GPC5: variants seen among roughly 807,000 people sequenced by gnomAD.
The protein encoded by GPC5 is glypican-5.
In GPC5, 47 loss-of-function variants were observed where a neutral mutation model predicts 53.9. The observed-to-expected ratio is 0.87, with a 90% CI of 0.69 to 1.11. The LOEUF is 1.11. Ranked by LOEUF, GPC5 falls within the 50% of genes most tolerant of loss-of-function variation. GPC5 has a pLI of 0.00. For synonymous variants in GPC5, 286 were observed against 263.3 expected, an observed-to-expected ratio of 1.09 and a Z score of -0.84; for missense variants, 748 against 713.1, an observed-to-expected ratio of 1.05 and a Z score of -0.56.
intron 5 of GPC5, among the ~76,000 whole-genome samples, chr13:91,781,835 A>C (rs994558867): frequency 6.6e-6 from 1 of 152,192 alleles, no homozygotes; most frequent in Non-Finnish European, 1.5e-5. Flanking sequence ...TAAACAATAA[A>C]CTTCCACTCT....
intron 7 of GPC5, among the ~76,000 whole-genome samples, chr13:92,649,621 T>G (rs778078208): frequency 8.6e-5 from 13 of 152,046 alleles, no homozygotes; most frequent in Non-Finnish European, 1.3e-4. Flanking sequence ...GAAACAAACT[T>G]TTTACTAGAG....
intron 4 of GPC5, among the ~76,000 whole-genome samples, chr13:91,748,966 C>A (rs2037110766): frequency 6.6e-6 from 1 of 151,936 alleles, no homozygotes; most frequent in South Asian, 2.1e-4. Flanking sequence ...GGGGGACTGT[C>A]ATGGAATGAG....
At chr13:92,218,569 T>C (rs1594007938) in intron 7 of GPC5, among the ~76,000 whole-genome samples, 2 of 152,210 alleles carry the variant, frequency 1.3e-5, no homozygotes, top group South Asian at 4.1e-4. Context: ...CTTTGTCCCC[T>C]CCCCCTGCTT....
chr13:92,277,158 G>T (rs2042881826), intron 7 of GPC5, among the ~76,000 whole-genome samples: 1 of 151,880 alleles, frequency 6.6e-6, no homozygotes, highest in South Asian at 2.1e-4. Context: ...CATTGAAATA[G>T]TTTCACAATT....
intron 7 of GPC5, among the ~76,000 whole-genome samples, chr13:92,864,470 A>T (rs1879280468): frequency 6.6e-6 from 1 of 152,126 alleles, no homozygotes; most frequent in African/African-American, 2.4e-5. Context: ...GCATAAGAAA[A>T]CCTTATTCAT....
At chr13:91,992,060 C>T (rs893129530) in intron 6 of GPC5, among the ~76,000 whole-genome samples, 2 of 151,996 alleles carry the variant, frequency 1.3e-5, no homozygotes, top group African/African-American at 4.8e-5. Flanking sequence ...TTTTTTGAGA[C>T]AGGGCCTTGT....
intron 2 of GPC5, among the ~76,000 whole-genome samples, chr13:91,612,737 A>G (rs2033591240): frequency 1.3e-5 from 2 of 152,180 alleles, no homozygotes; most frequent in African/African-American, 2.4e-5. Flanking sequence ...TATTAAGTTG[A>G]TCATAACTCA....
chr13:91,607,098 C>G (rs2033394233), intron 2 of GPC5, among the ~76,000 whole-genome samples: 1 of 152,022 alleles, frequency 6.6e-6, no homozygotes, highest in African/African-American at 2.4e-5. Context: ...GAGTCATTTA[C>G]TCTTTATTTT....
At chr13:92,684,462 G>A (rs1887198964) in intron 7 of GPC5, among the ~76,000 whole-genome samples, 1 of 151,872 alleles carries the variant, frequency 6.6e-6, no homozygotes, top group South Asian at 2.1e-4. Context: ...GTAGAGACAG[G>A]ATTTCACCAT....
intron 7 of GPC5, among the ~76,000 whole-genome samples, chr13:92,275,460 T>C (rs2042868729): frequency 6.6e-6 from 1 of 152,164 alleles, no homozygotes; most frequent in Admixed American, 6.6e-5. Flanking sequence ...CAGGACATAA[T>C]TTTGACTTTC....
At chr13:91,940,256 A>G (rs976517927) in intron 6 of GPC5, among the ~76,000 whole-genome samples, 2 of 152,088 alleles carry the variant, frequency 1.3e-5, no homozygotes, top group Admixed American at 6.6e-5. Context: ...TTGGTTTTCT[A>G]TTCCTGCATT....
chr13:91,899,819 T>C (rs1204347279), intron 5 of GPC5, among the ~76,000 whole-genome samples: 1 of 152,126 alleles, frequency 6.6e-6, no homozygotes, highest in East Asian at 1.9e-4. Flanking sequence ...GGATTCCTCC[T>C]GAGGGTCTTC....
intron 7 of GPC5, among the ~76,000 whole-genome samples, chr13:92,291,135 C>T (rs903804040): frequency 6.6e-5 from 10 of 152,154 alleles, no homozygotes; most frequent in African/African-American, 2.2e-4. Context: ...CCCACTGCTC[C>T]GTGGGCTCCT....
intron 7 of GPC5, among the ~76,000 whole-genome samples, chr13:92,501,048 A>C (rs1247430660): frequency 6.6e-6 from 1 of 152,084 alleles, no homozygotes; most frequent in Non-Finnish European, 1.5e-5. Flanking sequence ...AAAACATAAT[A>C]CTCAAAATGT....
At chr13:92,382,860 A>G (rs1269722889) in intron 7 of GPC5, among the ~76,000 whole-genome samples, 1 of 151,770 alleles carries the variant, frequency 6.6e-6, no homozygotes, top group Non-Finnish European at 1.5e-5. Context: ...AAAATTAGCC[A>G]GGCGCGGTGG....
intron 5 of GPC5, among the ~76,000 whole-genome samples, chr13:91,904,587 T>G (rs899845682): frequency 2.6e-5 from 4 of 151,904 alleles, no homozygotes; most frequent in Admixed American, 6.6e-5. Context: ...CCTTTCCAGA[T>G]CCCAGATTCT....
At chr13:92,526,280 G>C (rs568204855) in intron 7 of GPC5, among the ~76,000 whole-genome samples, 1 of 152,152 alleles carries the variant, frequency 6.6e-6, no homozygotes, top group East Asian at 1.9e-4. Context: ...TGACAGAAAG[G>C]CCAATTAGGT....
chr13:91,458,389 G>A (rs1881702453), intron 2 of GPC5, among the ~76,000 whole-genome samples: 1 of 152,036 alleles, frequency 6.6e-6, no homozygotes, highest in African/African-American at 2.4e-5. Flanking sequence ...ACATTATATT[G>A]AATGGGGAAA....
At chr13:92,702,227 A>T (rs1024321044) in intron 7 of GPC5, among the ~76,000 whole-genome samples, 3 of 152,034 alleles carry the variant, frequency 2.0e-5, no homozygotes, top group Non-Finnish European at 2.9e-5. Context: ...TTCTCTCTAC[A>T]CTCACATCCT....
Sources: gnomAD v4.1 joint callset for allele counts (sites outside exome capture counted in the v4.1 genomes callset) on GRCh38, gnomAD v4.1.1 for gene constraint, MANE v1.5 for transcripts, NCBI Gene and HGNC (gene_info 2026-07-23, HGNC 2026-07-21) for gene names.